The following ROS1 variants were observed in gnomAD, a reference collection of about 807,000 sequenced individuals.
ROS1 encodes the protein ROS proto-oncogene 1, receptor tyrosine kinase, also known as proto-oncogene tyrosine-protein kinase ROS.
Under a neutral mutation model 273.5 loss-of-function variants are expected in ROS1, and 263 were observed. That is an observed-to-expected ratio of 0.96 (90% CI 0.87 to 1.06). The LOEUF is 1.06. ROS1 is among the 50% of genes least tolerant of loss of function. The pLI is 0.00. For missense variants in ROS1, 2,833 were observed against 2,751.1 expected (o/e 1.03, Z -0.67); for synonymous variants, 1,008 against 954.1 (o/e 1.06, Z -1.04).
chr6:117,407,008 A>C (rs762357088), intron 5 of ROS1, among the ~76,000 whole-genome samples: 5 of 125,232 alleles, frequency 4.0e-5, no homozygotes, highest in Non-Finnish European at 8.2e-5. Flanking sequence ...GGAGCACATC[A>C]GTGCACAGCT....
intron 38 of ROS1, among the ~76,000 whole-genome samples, chr6:117,317,788 A>G (rs1210029241): frequency 6.6e-6 from 1 of 152,088 alleles, no homozygotes; most frequent in African/African-American, 2.4e-5. Flanking sequence ...TATGACCACA[A>G]ACTCAAACTG....
chr6:117,369,880 CATAA>C (rs1780614391), intron 18 of ROS1, among the ~76,000 whole-genome samples: 1 of 151,962 alleles, frequency 6.6e-6, no homozygotes, highest in South Asian at 2.1e-4. Context: ...TGGATATATA[CATAA>C]ATATCTATCT....
chr6:117,359,155 T>C (rs933743041), intron 24 of ROS1, among the ~76,000 whole-genome samples: 9 of 152,168 alleles, frequency 5.9e-5, no homozygotes, highest in African/African-American at 9.7e-5. Context: ...ACCTGTCTCA[T>C]CTTTGTTTCC....
At chr6:117,317,616 C>A (rs186788330) in intron 38 of ROS1, among the ~76,000 whole-genome samples, 1 of 152,174 alleles carries the variant, frequency 6.6e-6, no homozygotes, top group East Asian at 1.9e-4. Context: ...GAAATATATC[C>A]TCTCCCTTTC....
intron 39 of ROS1, among the ~76,000 whole-genome samples, chr6:117,311,816 A>G (rs549078768): frequency 6.6e-6 from 1 of 152,238 alleles, no homozygotes. Context: ...TGAAGTTTTT[A>G]TTAGTACCAT....
At chr6:117,413,797 C>G (rs1294082419) in intron 4 of ROS1, among the ~76,000 whole-genome samples, 12 of 152,092 alleles carry the variant, frequency 7.9e-5, no homozygotes, top group Non-Finnish European at 5.9e-5. Flanking sequence ...GCCTGGCCAA[C>G]ATGGCAAAAC....
chr6:117,360,246 T>A, intron 23 of ROS1, 96 bp downstream of exon 23: 1 of 929,358 alleles, frequency 1.1e-6, no homozygotes, highest in Non-Finnish European at 1.6e-6. Flanking sequence ...AAAGAGACAG[T>A]GTTCATATCC....
At chr6:117,339,033 T>C (rs531555651) in intron 31 of ROS1, among the ~76,000 whole-genome samples, 6 of 152,254 alleles carry the variant, frequency 3.9e-5, no homozygotes, top group Non-Finnish European at 8.8e-5. Flanking sequence ...TTCCTCCCCA[T>C]TTTAAATATG....
chr6:117,306,502 T>G (rs577810177), intron 42 of ROS1, among the ~76,000 whole-genome samples: 1 of 152,288 alleles, frequency 6.6e-6, no homozygotes, highest in East Asian at 1.9e-4. Flanking sequence ...AGAATCCTGA[T>G]GGCTGGGCTT....
chr6:117,309,318 A>G (rs565288002), intron 41 of ROS1, among the ~76,000 whole-genome samples: 1 of 152,256 alleles, frequency 6.6e-6, no homozygotes, highest in Admixed American at 6.5e-5. Context: ...ATGTATACAC[A>G]CAACTCATAC....
Position 117,381,450 on chromosome 6 carries a change from C to A in ROS1, c.2481+1867G>T, listed in dbSNP as rs572600005. Reference sequence around the variant, plus strand: ...ATATTACTCTGTATGCTTTTGCATACCCATGGCTTAGCTCCCACTTATAAG... The same window carrying A: ...ATATTACTCTGTATGCTTTTGCATAACCATGGCTTAGCTCCCACTTATAAG... On this transcript the variant is annotated intron_variant, in intron 17 of 43. Coordinates refer to ENST00000368507, the MANE Select transcript of ROS1 (RefSeq NM_001378902.1). 7.9e-5 allele frequency among the ~76,000 whole-genome samples: 12 copies of A among 152,026 alleles called. No homozygotes were observed. The South Asian group carries it at 2.3e-3, about 29-fold the overall frequency.
At chr6:117,312,882 C>G (rs1775647930) in intron 39 of ROS1, among the ~76,000 whole-genome samples, 1 of 152,104 alleles carries the variant, frequency 6.6e-6, no homozygotes, top group South Asian at 2.1e-4. Flanking sequence ...AAGTATAGTT[C>G]AGCTACTGTT....
chr6:117,389,451 T>C lies in ROS1; in HGVS notation c.1685A>G (p.Gln562Arg). ...GNLVIFGSSS[Q>R]LHPLPGRPQE... is the part of the protein sequence containing the mutation. ...CGGGCGGCCTGGCAGAGGGTGCAGC[T>C]GGGAGGATGAGCCAAAGATGACCAA... is the stretch of plus-strand genomic sequence containing the variant. The change falls in exon 13 of 44, where the codon CAG becomes CGG. Residue 562 changes from glutamine to arginine, a missense_variant. By Grantham distance (43) the Gln-to-Arg change is conservative. Transcript: ENST00000368507. 1 of 1,614,180 alleles carries C rather than the reference T, an allele frequency of 6.2e-7. No individual in the cohort carries two copies. Among genetic ancestry groups the C allele is most frequent in the Non-Finnish European group, 8.5e-7 (1 of 1,180,042 alleles).
rs1774117052 is a variant in ROS1 at position 117,403,384 on chromosome 6, T to A, written c.466-107A>T. ...AAGATGGATGGCTCAACAGAGAAGA[T>A]GAAATAAGAGGCCTGGAGCTTAGAG... On this transcript the variant is annotated intron_variant, in intron 6 of 43. Transcript: ENST00000368507. The A allele has an allele frequency of 5.3e-6, 6 of 1,124,658 alleles. 1 individual carries two copies. In the East Asian group the frequency reaches 7.9e-5, roughly 15 times the overall value. The allele number at this position is 1,124,658 out of a possible 1,614,324, so 69.7% of individuals were successfully genotyped here.
chr6:117,396,133 A>G, intron 9 of ROS1, 55 bp downstream of exon 9: 1 of 1,436,154 alleles, frequency 7.0e-7, no homozygotes. Flanking sequence ...TGGCTCTGAA[A>G]CCACCCTTGC....
chr6:117,366,186 AAG>A lies in ROS1; in HGVS notation c.2685_2686del (p.Phe896Ter). 1 of 1,614,052 alleles carries A rather than the reference AAG, an allele frequency of 6.2e-7. No homozygotes were observed. Among genetic ancestry groups the A allele is most frequent in the African/African-American group, 1.3e-5 (1 of 75,014 alleles). On this transcript the variant is annotated frameshift_variant, in exon 19 of 44. Transcript: ENST00000368507. LOFTEE classifies it high-confidence loss of function. ...TATTTCTTGAGTTGTGATAATCCTA[AAG>A]CCATTGATCCAGAACAGCCGACCAC...
At chr6:117,358,586 A>G (rs935263012) in intron 24 of ROS1, among the ~76,000 whole-genome samples, 6 of 151,886 alleles carry the variant, frequency 4.0e-5, no homozygotes, top group African/African-American at 1.5e-4. Context: ...CAGCCTCCCA[A>G]GTGGCTGAGA....
chr6:117,342,543 T>TC lies in ROS1; in HGVS notation c.4507dup (p.Glu1503GlyfsTer10). 1 of 1,477,352 alleles carries TC rather than the reference T, an allele frequency of 6.8e-7. No individual in the cohort carries two copies. The allele number at this position is 1,477,352 out of a possible 1,614,324, so 91.5% of individuals were successfully genotyped here. On this transcript the variant is annotated frameshift_variant and splice_region_variant, in exon 29 of 44. Coordinates refer to ENST00000368507, the MANE Select transcript of ROS1 (RefSeq NM_001378902.1). LOFTEE classifies it high-confidence loss of function. The stretch of plus-strand genomic sequence containing the variant: ...AATAAGAGCTATACTGTCCTGAAAT[T>TC]CCTGTAATTGATTTTTTAAAAATCA...
chr6:117,407,087 A>G (rs1016005979), intron 5 of ROS1, among the ~76,000 whole-genome samples: 1 of 152,062 alleles, frequency 6.6e-6, no homozygotes, highest in Middle Eastern at 3.2e-3. Context: ...AAAATGTAAT[A>G]TCACTACCTC....
Sources: gnomAD v4.1 joint callset for allele counts (sites outside exome capture counted in the v4.1 genomes callset) on GRCh38, gnomAD v4.1.1 for gene constraint, MANE v1.5 for transcripts, NCBI Gene and HGNC (gene_info 2026-07-23, HGNC 2026-07-21) for gene names.